RCL1: variants seen among roughly 807,000 people sequenced by gnomAD.
The protein encoded by RCL1 is RNA 3'-terminal phosphate cyclase-like protein.
RCL1 carries 24 observed loss-of-function variants against 42.4 expected under a neutral mutation model. That is an observed-to-expected ratio of 0.57 (90% CI 0.41 to 0.80). RCL1 has a LOEUF of 0.80. RCL1 is among the 30% of genes least tolerant of loss of function. The pLI is 0.00. For synonymous variants in RCL1, 228 were observed against 177.3 expected, an observed-to-expected ratio of 1.29 and a Z score of -2.27; for missense variants, 578 against 467.9, an observed-to-expected ratio of 1.24 and a Z score of -2.17.
At chr9:4,840,771 C>A (rs1817290650) in intron 5 of RCL1, among the ~76,000 whole-genome samples, 1 of 152,112 alleles carries the variant, frequency 6.6e-6, no homozygotes, top group African/African-American at 2.4e-5. Context: ...TTGGGATCGC[C>A]CAGGTCCTGT....
intron 1 of RCL1, among the ~76,000 whole-genome samples, chr9:4,798,595 G>A (rs892700724): frequency 6.6e-6 from 1 of 152,218 alleles, no homozygotes; most frequent in African/African-American, 2.4e-5. Flanking sequence ...GAGGTCCTTT[G>A]AAAGGTAAAA....
intron 6 of RCL1, among the ~76,000 whole-genome samples, chr9:4,842,904 T>C (rs556702907): frequency 6.6e-6 from 1 of 152,354 alleles, no homozygotes; most frequent in Non-Finnish European, 1.5e-5. Flanking sequence ...AGAGCAGGCC[T>C]GACAGCCATC....
chr9:4,843,034 A>G (rs1817388602), intron 6 of RCL1, among the ~76,000 whole-genome samples: 1 of 152,236 alleles, frequency 6.6e-6, no homozygotes, highest in Admixed American at 6.5e-5. Context: ...AAAGACATGG[A>G]CATGATGTAG....
At chr9:4,845,285 C>G (rs966937679) in intron 7 of RCL1, among the ~76,000 whole-genome samples, 3 of 152,206 alleles carry the variant, frequency 2.0e-5, no homozygotes, top group African/African-American at 7.2e-5. Context: ...TTTGGAAAAC[C>G]TAAGAACATG....
At chr9:4,811,412 GC>G (rs1816170732) in intron 1 of RCL1, among the ~76,000 whole-genome samples, 3 of 151,848 alleles carry the variant, frequency 2.0e-5, no homozygotes, top group Admixed American at 1.3e-4. Context: ...CCAGCCTTTG[GC>G]TATCCTTCCT....
intron 3 of RCL1, among the ~76,000 whole-genome samples, chr9:4,828,823 C>A (rs537447327): frequency 6.6e-6 from 1 of 152,142 alleles, no homozygotes; most frequent in South Asian, 2.1e-4. Context: ...AGAAATGGGA[C>A]CCAAAAAGTC....
chr9:4,823,469 G>A (rs1483543902), intron 1 of RCL1, 79 bp from the exon 2 acceptor site: 25 of 1,093,388 alleles, frequency 2.3e-5, no homozygotes, highest in Non-Finnish European at 3.3e-5. Context: ...ACCTGAATCA[G>A]GCATGTGCTC....
At chr9:4,847,970 C>G (rs550439576) in intron 7 of RCL1, among the ~76,000 whole-genome samples, 2 of 152,348 alleles carry the variant, frequency 1.3e-5, no homozygotes, top group South Asian at 4.1e-4. Flanking sequence ...ACACCTCCCC[C>G]CAGCATAGGT....
intron 1 of RCL1, among the ~76,000 whole-genome samples, chr9:4,817,661 T>C (rs1174250256): frequency 6.6e-6 from 1 of 151,960 alleles, no homozygotes; most frequent in East Asian, 1.9e-4. Flanking sequence ...CATGCCTGGC[T>C]AATTTTTGTA....
intron 8 of RCL1, among the ~76,000 whole-genome samples, chr9:4,856,961 G>C (rs1005413696): frequency 5.3e-5 from 8 of 152,208 alleles, no homozygotes; most frequent in African/African-American, 1.9e-4. Context: ...AGAGGGATGG[G>C]GATGGGAGGG....
chr9:4,844,872 C>G (rs954279941), intron 7 of RCL1, among the ~76,000 whole-genome samples, 191 bp downstream of exon 7: 1 of 152,112 alleles, frequency 6.6e-6, no homozygotes, highest in Admixed American at 6.5e-5. Context: ...GAGATCTAGC[C>G]CCACTGGGTT....
At chr9:4,830,238 C>A (rs915364185) in intron 3 of RCL1, among the ~76,000 whole-genome samples, 1 of 152,078 alleles carries the variant, frequency 6.6e-6, no homozygotes, top group Non-Finnish European at 1.5e-5. Flanking sequence ...CGAGTAGGAA[C>A]TAGAGCTATT....
At chr9:4,812,702 T>G (rs1816221735) in intron 1 of RCL1, among the ~76,000 whole-genome samples, 1 of 152,164 alleles carries the variant, frequency 6.6e-6, no homozygotes, top group Non-Finnish European at 1.5e-5. Context: ...TGATAGGGAT[T>G]GCATTGAATC....
intron 1 of RCL1, among the ~76,000 whole-genome samples, chr9:4,810,396 T>C (rs1563832560): frequency 6.6e-6 from 1 of 152,224 alleles, no homozygotes; most frequent in South Asian, 2.1e-4. Flanking sequence ...ATTAGGTTTC[T>C]AAAATATTAA....
In RCL1 at chr9:4,844,539, G is replaced by C; in HGVS notation, c.725G>C (p.Gly242Ala). 6.2e-7 allele frequency: 1 copy of C among 1,612,178 alleles called. No homozygotes were observed. The highest frequency in any genetic ancestry group is 8.5e-7 in the Non-Finnish European group (1 of 1,179,054). ...GVNSGKSPGF[G>A]LSLVAETTSG... Reference sequence around the variant, plus strand: ...TGTATCTCCAGGTCTCCGGGCTTTGGGTTGTCACTGGTTGCTGAGACCACC... The same window carrying C: ...TGTATCTCCAGGTCTCCGGGCTTTGCGTTGTCACTGGTTGCTGAGACCACC... Residue 242 changes from glycine (G) to alanine (A), a missense_variant, in exon 7 of 9, where the codon GGG (glycine) becomes GCG (alanine). Coordinates refer to ENST00000381750, the MANE Select transcript of RCL1 (RefSeq NM_005772.5).
intron 6 of RCL1, among the ~76,000 whole-genome samples, chr9:4,842,063 C>T (rs1040531626): frequency 6.6e-6 from 1 of 152,192 alleles, no homozygotes; most frequent in Non-Finnish European, 1.5e-5. Flanking sequence ...TATACTCCTG[C>T]TGCCTATAGT....
At position 4,834,103 on chromosome 9, in the gene RCL1, G is replaced by A. The variant is rs1453958402; in HGVS notation, c.460-38G>A. ...GGGTGTCAGGGTAATCCATTGCTTT[G>A]CTGCATCCTCGCCTCATCTTTCTCA... On this transcript the variant is annotated intron_variant, in intron 4 of 8. Transcript: ENST00000381750. 2.5e-6 allele frequency: 4 copies of A among 1,600,474 alleles called. No individual in the cohort carries two copies. In the South Asian group the frequency reaches 4.5e-5, roughly 18 times the overall value.
At chr9:4,795,341 C>T (rs895054192) in intron 1 of RCL1, among the ~76,000 whole-genome samples, 4 of 152,132 alleles carry the variant, frequency 2.6e-5, no homozygotes, top group Admixed American at 2.0e-4. Flanking sequence ...CCTTGGCCTC[C>T]CAGAGTGCTG....
chr9:4,810,820 G>A (rs1051161376), intron 1 of RCL1, among the ~76,000 whole-genome samples: 1 of 152,098 alleles, frequency 6.6e-6, no homozygotes, highest in Admixed American at 6.6e-5. Flanking sequence ...AGTTTTGTAG[G>A]TGTATTGTAG....
Sources: gnomAD v4.1 joint callset for allele counts (sites outside exome capture counted in the v4.1 genomes callset) on GRCh38, gnomAD v4.1.1 for gene constraint, MANE v1.5 for transcripts, NCBI Gene and HGNC (gene_info 2026-07-23, HGNC 2026-07-21) for gene names.